The following RCOR1 variants were observed in gnomAD, a reference collection of about 807,000 sequenced individuals.
The protein encoded by RCOR1 is REST corepressor.
A neutral mutation model predicts 64.0 loss-of-function variants in RCOR1; 12 were observed. That is an observed-to-expected ratio of 0.19 (90% CI 0.12 to 0.30). The LOEUF is 0.30. Ranked by LOEUF, RCOR1 falls within the 10% of genes least tolerant of loss-of-function variation. RCOR1 has a pLI of 1.00. For synonymous variants in RCOR1, 279 were observed against 227.2 expected (o/e 1.23, Z -2.05); for missense variants, 502 against 621.2 (o/e 0.81, Z 2.04).
rs1339972974 is a variant in RCOR1 at position 102,593,048 on chromosome 14, C to T, written c.162C>T (p.Ala54=). 3 of 1,383,524 alleles carry T rather than the reference C, an allele frequency of 2.2e-6. No individual in the cohort carries two copies. The highest frequency in any genetic ancestry group is 2.8e-6 in the Non-Finnish European group (3 of 1,059,916). 85.7% of individuals were successfully genotyped at this position (1,383,524 alleles called of 1,614,324 possible). A position where few individuals can be genotyped will look rare whatever the true frequency, so the allele number is the denominator to read the frequency against. ...CCTCGGGCGCCGCCGCCTCCTCAGC[C>T]TCGGCCGCCGCCGCCTCAGCCGCCG... ...TAASGAAASS[A]SAAAASAAAA... is the part of the protein sequence containing the mutation. The change falls in exon 1 of 12, where the codon GCC becomes GCT. Residue 54 remains alanine (A), a synonymous_variant. Transcript: ENST00000262241.
At chr14:102,635,205 C>A (rs770899559) in intron 2 of RCOR1, among the ~76,000 whole-genome samples, 8 of 152,010 alleles carry the variant, frequency 5.3e-5, no homozygotes, top group Non-Finnish European at 1.0e-4. Context: ...TCTTCTGTTA[C>A]AAAAAAATAC....
chr14:102,636,360 C>T (rs1894237494), intron 2 of RCOR1, among the ~76,000 whole-genome samples: 1 of 151,974 alleles, frequency 6.6e-6, no homozygotes, highest in Non-Finnish European at 1.5e-5. Flanking sequence ...GCACTGCAAC[C>T]TCTGCCTCCT....
chr14:102,662,422 A>G, intron 2 of RCOR1: 1 of 558,762 alleles, frequency 1.8e-6, no homozygotes, highest in South Asian at 1.4e-5. Context: ...CAATGAACAC[A>G]AGTGTCTTGT....
intron 6 of RCOR1, among the ~76,000 whole-genome samples, chr14:102,710,421 A>G (rs1214620415): frequency 1.2e-4 from 19 of 152,342 alleles, no homozygotes. Context: ...ATAATTTTAA[A>G]ACATCAGTTG....
At chr14:102,702,683 C>T (rs561183109) in intron 4 of RCOR1, among the ~76,000 whole-genome samples, 2 of 152,196 alleles carry the variant, frequency 1.3e-5, no homozygotes, top group South Asian at 4.1e-4. Context: ...CAGGCTGATC[C>T]TCACAATGGA....
intron 2 of RCOR1, among the ~76,000 whole-genome samples, chr14:102,677,377 G>A (rs1368122986): frequency 5.6e-5 from 8 of 142,878 alleles, no homozygotes; most frequent in Non-Finnish European, 6.1e-5. Context: ...GGTGGCTGCC[G>A]GGCGGAGACG....
intron 2 of RCOR1, among the ~76,000 whole-genome samples, chr14:102,679,169 G>GT (rs1415327315): frequency 9.2e-5 from 14 of 152,090 alleles, no homozygotes; most frequent in Admixed American, 8.5e-4. Context: ...TTTTGGTACT[G>GT]TATCTAAGAT....
rs891133963 is a variant in RCOR1 at position 102,609,661 on chromosome 14, ATCAGGCTGG to A, written c.361+16339_361+16347del. On this transcript the variant is annotated intron_variant, in intron 2 of 11. Coordinates refer to ENST00000262241, the MANE Select transcript of RCOR1 (RefSeq NM_015156.4). ...GGGTTTCACCGTGTTGGCCAGGCTG[ATCAGGCTGG>A]TCCTGACCTCAGGTGATCTGCCTGT... is the stretch of plus-strand genomic sequence containing the variant. Among the ~76,000 whole-genome samples the A allele has an allele frequency of 3.3e-4, 49 of 150,058 alleles. No homozygotes were observed. In the East Asian group the frequency reaches 9.2e-3, roughly 28 times the overall value.
At chr14:102,601,779 G>A (rs760401315) in intron 2 of RCOR1, among the ~76,000 whole-genome samples, 2 of 152,176 alleles carry the variant, frequency 1.3e-5, no homozygotes, top group African/African-American at 4.8e-5. Context: ...TAGATTTCTG[G>A]TAGCTGGGGC....
At chr14:102,718,783 G>A (rs1896118999) in intron 8 of RCOR1, among the ~76,000 whole-genome samples, 3 of 152,012 alleles carry the variant, frequency 2.0e-5, no homozygotes, top group African/African-American at 7.2e-5. Context: ...TTGGCGGGGG[G>A]AAGGGGGCGT....
chr14:102,683,166 AT>A (rs1895340245), intron 3 of RCOR1, among the ~76,000 whole-genome samples: 1 of 152,180 alleles, frequency 6.6e-6, no homozygotes, highest in Non-Finnish European at 1.5e-5. Flanking sequence ...TTACAGTTTT[AT>A]TGTAAGCCCT....
chr14:102,656,369 C>A (rs1894724102), intron 2 of RCOR1, among the ~76,000 whole-genome samples: 1 of 151,808 alleles, frequency 6.6e-6, no homozygotes, highest in South Asian at 2.1e-4. Flanking sequence ...AAACTCCTGA[C>A]CTCAAGCGAT....
chr14:102,707,594 T>C (rs1157830491), intron 5 of RCOR1, 82 bp downstream of exon 5: 2 of 1,124,680 alleles, frequency 1.8e-6, no homozygotes, highest in African/African-American at 1.6e-5. Flanking sequence ...AGGGATATCA[T>C]ACTCAAACAT....
In RCOR1 at chr14:102,599,547, A is replaced by G. The variant is rs550504327; in HGVS notation, c.361+6222A>G. On this transcript the variant is annotated intron_variant, in intron 2 of 11. Transcript: ENST00000262241. ...GAGATAGTGGCCCTTTAAAAAAGCA[A>G]CCTTTATTTTGAATGTTTAATCCAA... Among the ~76,000 whole-genome samples, 319 of 152,248 alleles carry G rather than the reference A, an allele frequency of 2.1e-3. 2 individuals carry two copies. Among genetic ancestry groups the G allele is most frequent in the Non-Finnish European group, 4.0e-3 (275 of 68,012 alleles).
intron 4 of RCOR1, among the ~76,000 whole-genome samples, chr14:102,704,632 A>ACC (rs1895812730): frequency 2.0e-5 from 3 of 152,288 alleles, no homozygotes; most frequent in South Asian, 4.1e-4. Context: ...GGGTTTCACC[A>ACC]TGTTGGTCAG....
intron 2 of RCOR1, chr14:102,657,708 C>T (rs892675316): frequency 3.2e-5 from 12 of 376,422 alleles, no homozygotes; most frequent in African/African-American, 1.8e-4. Flanking sequence ...CTTGGTGGTG[C>T]GTGCCTGTAA....
At chr14:102,695,363 TCTC>T (rs1292394770) in intron 3 of RCOR1, 2 of 146,064 alleles carry the variant, frequency 1.4e-5, no homozygotes, top group African/African-American at 2.6e-5. Flanking sequence ...CTCTATCTTC[TCTC>T]CTCAAGAGAT....
At chr14:102,599,803 G>GTTTT (rs758594132) in intron 2 of RCOR1, among the ~76,000 whole-genome samples, 7 of 93,832 alleles carry the variant, frequency 7.5e-5, no homozygotes, top group East Asian at 2.8e-4. Flanking sequence ...GTTTTGTTTT[G>GTTTT]TTTTGTTTTT....
rs1356534315 is a variant in RCOR1, at chr14:102,730,285, A to G, written c.*3779A>G. ...TGCAAATATAATGGAAATGCTGTAT[A>G]TCTTTTGAAGTGATGAAATCCACGT... On this transcript the variant is annotated 3_prime_UTR_variant, in exon 12 of 12. Coordinates refer to ENST00000262241, the MANE Select transcript of RCOR1 (RefSeq NM_015156.4). The G allele has an allele frequency of 3.0e-6, 1 of 331,436 alleles. No individual in the cohort carries two copies. The highest frequency in any genetic ancestry group is 5.4e-6 in the Non-Finnish European group (1 of 184,250). 20.5% of individuals were successfully genotyped at this position (331,436 alleles called of 1,614,324 possible).
Sources: gnomAD v4.1 joint callset for allele counts (sites outside exome capture counted in the v4.1 genomes callset) on GRCh38, gnomAD v4.1.1 for gene constraint, MANE v1.5 for transcripts, NCBI Gene and HGNC (gene_info 2026-07-23, HGNC 2026-07-21) for gene names.